The following ATP8A2 variants were observed in gnomAD, a reference collection of about 807,000 sequenced individuals.
ATP8A2 encodes the protein ATPase phospholipid transporting 8A2.
A neutral mutation model predicts 165.6 loss-of-function variants in ATP8A2; 100 were observed. The ratio of observed to expected loss-of-function variants is 0.60; its 90% CI spans 0.51 to 0.71. The LOEUF (loss-of-function observed/expected upper bound fraction) is 0.71. ATP8A2 is among the 30% of genes least tolerant of loss of function. The pLI is 0.00. For missense variants in ATP8A2, 1,227 were observed against 1,479.5 expected, an observed-to-expected ratio of 0.83 and a Z score of 2.80; for synonymous variants, 543 against 548.8, an observed-to-expected ratio of 0.99 and a Z score of 0.15.
chr13:25,812,131 A>AT (rs1005074096), intron 27 of ATP8A2, among the ~76,000 whole-genome samples: 27 of 150,042 alleles, frequency 1.8e-4, no homozygotes, highest in East Asian at 3.9e-4. Flanking sequence ...AAAAAGTATG[A>AT]TTTTTTTTTC....
Position 25,705,513 on chromosome 13 carries a change from T to C in ATP8A2, c.2384+6168T>C, listed in dbSNP as rs541100435. ...AAGGCATCATTTATTTTCTCTGATATGTTTAGACTTCTGTCTTTCAGGATA... is the reference window on the plus strand; with the variant it reads ...AAGGCATCATTTATTTTCTCTGATACGTTTAGACTTCTGTCTTTCAGGATA... On this transcript the variant is annotated intron_variant, in intron 25 of 36. Transcript: ENST00000381655. Among the ~76,000 whole-genome samples, 6 of 152,356 alleles carry C rather than the reference T, an allele frequency of 3.9e-5. No individual in the cohort carries two copies. The South Asian group carries it at 1.2e-3, about 32-fold the overall frequency.
At chr13:25,955,128 G>C (rs1955489351) in intron 33 of ATP8A2, among the ~76,000 whole-genome samples, 1 of 152,114 alleles carries the variant, frequency 6.6e-6, no homozygotes, top group South Asian at 2.1e-4. Flanking sequence ...ATTGGTAACT[G>C]GAATAACCAG....
chr13:25,881,000 G>A (rs1181975685), intron 33 of ATP8A2: 4 of 448,910 alleles, frequency 8.9e-6, no homozygotes, highest in Non-Finnish European at 1.8e-5. Flanking sequence ...GTAGACCTGG[G>A]CAAACAGTTT....
intron 2 of ATP8A2, among the ~76,000 whole-genome samples, chr13:25,475,140 T>G (rs2035958143): frequency 6.6e-6 from 1 of 151,984 alleles, no homozygotes; most frequent in Non-Finnish European, 1.5e-5. Flanking sequence ...CCGGCCTCAA[T>G]AGTTATTTTT....
chr13:25,630,148 A>G (rs772670413), intron 24 of ATP8A2, among the ~76,000 whole-genome samples: 7 of 152,074 alleles, frequency 4.6e-5, no homozygotes, highest in Admixed American at 2.0e-4. Context: ...CTTGCTTCTC[A>G]TGTTTTATTT....
At chr13:25,423,076 C>T (rs190538767) in intron 1 of ATP8A2, among the ~76,000 whole-genome samples, 60 of 152,262 alleles carry the variant, frequency 3.9e-4, no homozygotes, top group African/African-American at 1.4e-3. Context: ...TCTTTCACTG[C>T]TCCACCCCCA....
intron 35 of ATP8A2, among the ~76,000 whole-genome samples, chr13:25,981,235 A>G (rs2139256453): frequency 6.6e-6 from 1 of 152,316 alleles, no homozygotes; most frequent in Admixed American, 6.5e-5. Context: ...CTGTTGCTTA[A>G]GTATACAAGT....
At chr13:25,811,902 C>T (rs773070910) in intron 27 of ATP8A2, among the ~76,000 whole-genome samples, 1 of 152,230 alleles carries the variant, frequency 6.6e-6, no homozygotes, top group East Asian at 1.9e-4. Flanking sequence ...GTCTTCATAT[C>T]TCTGAATATG....
intron 1 of ATP8A2, among the ~76,000 whole-genome samples, chr13:25,436,852 C>T (rs1329824037): frequency 6.6e-6 from 1 of 151,868 alleles, no homozygotes; most frequent in Non-Finnish European, 1.5e-5. Context: ...CACAGTTCCA[C>T]TGCAGCCTCG....
chr13:25,783,847 G>A lies in ATP8A2; in HGVS notation c.2679+8888G>A, dbSNP rs969867506. The stretch of plus-strand genomic sequence containing the variant: ...TATGCTGCGGTTTTATATTTCAGTC[G>A]GAAGATGGCTGGAGAACTAGTTAAA... On this transcript the variant is annotated intron_variant, in intron 27 of 36. Transcript: ENST00000381655. Among the ~76,000 whole-genome samples the A allele has an allele frequency of 4.6e-5, 7 of 152,208 alleles. No individual in the cohort carries two copies. In the South Asian group the frequency reaches 1.0e-3, roughly 23 times the overall value.
At chr13:25,970,676 G>A (rs1212834401) in intron 35 of ATP8A2, among the ~76,000 whole-genome samples, 2 of 152,134 alleles carry the variant, frequency 1.3e-5, no homozygotes, top group African/African-American at 2.4e-5. Flanking sequence ...TATGTACAAC[G>A]CAGCATATTG....
At chr13:25,871,147 G>A (rs1197485863) in intron 33 of ATP8A2, 4 of 375,850 alleles carry the variant, frequency 1.1e-5, no homozygotes, top group African/African-American at 4.4e-5. Context: ...TGTGGTGTTG[G>A]CATTTGTCAT....
At chr13:25,855,300 G>A (rs893439670) in intron 30 of ATP8A2, among the ~76,000 whole-genome samples, 2 of 151,094 alleles carry the variant, frequency 1.3e-5, no homozygotes, top group African/African-American at 4.9e-5. Context: ...AGCACCTCCA[G>A]TACCTGGAAA....
At chr13:25,742,972 T>TG (rs1380674333) in intron 25 of ATP8A2, among the ~76,000 whole-genome samples, 1 of 152,072 alleles carries the variant, frequency 6.6e-6, no homozygotes, top group Non-Finnish European at 1.5e-5. Context: ...GAAAGGTATA[T>TG]GGGTGTTATA....
intron 25 of ATP8A2, among the ~76,000 whole-genome samples, chr13:25,710,002 G>A (rs2043128325): frequency 6.6e-6 from 1 of 152,020 alleles, no homozygotes; most frequent in Non-Finnish European, 1.5e-5. Flanking sequence ...CTCATCGCTG[G>A]GTGTCTTGCA....
At chr13:25,742,053 G>T (rs1302361953) in intron 25 of ATP8A2, among the ~76,000 whole-genome samples, 2 of 152,156 alleles carry the variant, frequency 1.3e-5, no homozygotes, top group Non-Finnish European at 2.9e-5. Flanking sequence ...TTTTATCATT[G>T]TGTGAACATC....
Position 25,953,031 on chromosome 13 carries a change from A to G in ATP8A2, c.3184-8544A>G, listed in dbSNP as rs1199365525. ...TTTTAGGAGGCAACACTGAGGGGCAAGGAGGGCTGAGAAGAGAAGGTGGCA... is the reference window on the plus strand; with the variant it reads ...TTTTAGGAGGCAACACTGAGGGGCAGGGAGGGCTGAGAAGAGAAGGTGGCA... On this transcript the variant is annotated intron_variant, in intron 33 of 36. Transcript: ENST00000381655. The surrounding 1 kb of genome is among the most constrained non-coding windows in gnomAD (Gnocchi z 6.7). 1.3e-5 allele frequency among the ~76,000 whole-genome samples: 2 copies of G among 152,190 alleles called. No individual in the cohort carries two copies. The highest frequency in any genetic ancestry group is 2.9e-5 in the Non-Finnish European group (2 of 68,036).
At chr13:25,548,070 C>G (rs532022633) in intron 10 of ATP8A2, among the ~76,000 whole-genome samples, 43 of 152,046 alleles carry the variant, frequency 2.8e-4, no homozygotes, top group African/African-American at 9.2e-4. Context: ...ACTAAAAATA[C>G]AAAAAATTAG....
At chr13:25,879,843 C>T (rs940071985) in intron 33 of ATP8A2, among the ~76,000 whole-genome samples, 1 of 152,138 alleles carries the variant, frequency 6.6e-6, no homozygotes, top group Non-Finnish European at 1.5e-5. Flanking sequence ...GAGGAAAATC[C>T]TAGACTTTTT....
Sources: allele counts gnomAD v4.1 joint callset (sites outside exome capture counted in the v4.1 genomes callset), GRCh38; gene constraint gnomAD v4.1.1; non-coding constraint Gnocchi (gnomAD v3.1); transcripts MANE v1.5; gene names NCBI Gene and HGNC (gene_info 2026-07-23, HGNC 2026-07-21).